PAN3: variants seen among roughly 807,000 people sequenced by gnomAD.
PAN3 encodes the protein PAN2-PAN3 deadenylation complex subunit PAN3.
Under a neutral mutation model 96.2 loss-of-function variants are expected in PAN3, and 19 were observed. The observed-to-expected ratio is 0.20, with a 90% confidence interval of 0.14 to 0.29. PAN3 has a LOEUF of 0.29. Among genes scored for constraint, PAN3 ranks in the 10% least tolerant of loss-of-function variants. The pLI, the probability that PAN3 is intolerant of heterozygous loss-of-function variation, is 1.00. For missense variants in PAN3, 882 were observed against 1,108.1 expected, an observed-to-expected ratio of 0.80 and a Z score of 2.90; for synonymous variants, 433 against 406.6, an observed-to-expected ratio of 1.06 and a Z score of -0.78.
chr13:28,245,588 C>G (rs987107920), intron 6 of PAN3, among the ~76,000 whole-genome samples: 7 of 152,074 alleles, frequency 4.6e-5, no homozygotes, highest in African/African-American at 1.4e-4. Flanking sequence ...TTTAATATAT[C>G]AAAAGATCAT....
chr13:28,229,605 T>A (rs1882327632), intron 6 of PAN3, among the ~76,000 whole-genome samples: 3 of 152,240 alleles, frequency 2.0e-5, no homozygotes, highest in African/African-American at 7.2e-5. Flanking sequence ...TATAACTTTT[T>A]GAAGGTAAGG....
intron 5 of PAN3, among the ~76,000 whole-genome samples, chr13:28,209,097 A>G (rs1017839440): frequency 1.3e-5 from 2 of 152,178 alleles, no homozygotes; most frequent in Non-Finnish European, 2.9e-5. Flanking sequence ...AATAGTTGCT[A>G]TACTGTATTG....
At chr13:28,204,745 A>G (rs1331873436) in intron 5 of PAN3, among the ~76,000 whole-genome samples, 2 of 152,246 alleles carry the variant, frequency 1.3e-5, no homozygotes, top group Non-Finnish European at 2.9e-5. Context: ...AATTTCTCAT[A>G]ATATTGCAGG....
chr13:28,215,833 A>C, intron 5 of PAN3: 1 of 1,393,246 alleles, frequency 7.2e-7, no homozygotes, highest in Non-Finnish European at 1.0e-6. Context: ...AAAGCAGTGG[A>C]CAAGAAGGCT....
rs1276576315 is a variant in PAN3, at chr13:28,280,451, T to C, written c.2229T>C (p.Asn743=). The C allele has an allele frequency of 6.2e-7, 1 of 1,613,138 alleles. No homozygotes were observed. The highest frequency in any genetic ancestry group is 1.7e-5 in the Admixed American group (1 of 59,966). The part of the protein sequence containing the change: ...LTDQNRMRSV[N]DIMPMIGARF... ...ACCAAAACAGGATGCGAAGTGTAAA[T>C]GACATCATGCCCATGATTGGTGCTC... Residue 743 remains asparagine (N), a synonymous_variant, in exon 16 of 19, where the codon AAT becomes AAC. Coordinates refer to ENST00000380958, the MANE Select transcript of PAN3 (RefSeq NM_175854.8).
intron 6 of PAN3, among the ~76,000 whole-genome samples, chr13:28,246,605 A>C (rs534857480): frequency 5.3e-5 from 8 of 152,166 alleles, no homozygotes; most frequent in Admixed American, 4.6e-4. Flanking sequence ...ACTTCTGGTA[A>C]CCACCAGTCT....
rs143752644 is a variant in PAN3 at position 28,235,682 on chromosome 13, T to TAC, written c.1000+15316_1000+15317dup. Among the ~76,000 whole-genome samples the TAC allele has an allele frequency of 5.7e-3, 708 of 123,480 alleles. 4 individuals are homozygous for TAC. Among genetic ancestry groups the TAC allele is most frequent in the Admixed American group, 0.011 (122 of 11,302 alleles). The allele number at this position is 123,480 out of a possible 152,430, so 81.0% of individuals were successfully genotyped here. On this transcript the variant is annotated intron_variant, in intron 6 of 18. Coordinates refer to ENST00000380958, the MANE Select transcript of PAN3 (RefSeq NM_175854.8). ...TTAGTATTTTTGTCTTTCTCTAATA[T>TAC]ACACACACACACATACACACACACA...
At chr13:28,203,638 A>G (rs950383779) in intron 5 of PAN3, among the ~76,000 whole-genome samples, 1 of 151,974 alleles carries the variant, frequency 6.6e-6, no homozygotes, top group African/African-American at 2.4e-5. Flanking sequence ...AAAATTAATC[A>G]TAGACTTTTT....
In PAN3 at chr13:28,177,872, A is replaced by G. The variant is rs756250351; in HGVS notation, c.627A>G (p.Leu209=). The G allele has an allele frequency of 3.1e-6, 5 of 1,612,696 alleles. No individual in the cohort carries two copies. Among genetic ancestry groups the G allele is most frequent in the East Asian group, 4.5e-5 (2 of 44,806 alleles). The change falls in exon 4 of 19, where the codon CTA becomes CTG. Residue 209 remains leucine, a synonymous_variant. Transcript: ENST00000380958. Reference sequence around the variant, plus strand: ...ACGTAACTTACCTTTCAGATCCTCTAACATCACCTGCTTCATCCTTGTTTA... The same window carrying G: ...ACGTAACTTACCTTTCAGATCCTCTGACATCACCTGCTTCATCCTTGTTTA... The part of the protein sequence containing the change: ...SAKPYSAHDP[L]TSPASSLFND...
rs74573209 is a variant in PAN3 at position 28,266,084 on chromosome 13, G to A, written c.1412-631G>A. Among the ~76,000 whole-genome samples the A allele has an allele frequency of 1.5e-3, 234 of 151,960 alleles. 5 individuals are homozygous for A. The East Asian group carries it at 0.034, about 22-fold the overall frequency. ...GACATAATGCCATGTTTTAAAAATA[G>A]TGTTAAACATGTATATTATAAAACA... On this transcript the variant is annotated intron_variant, in intron 9 of 18. Transcript: ENST00000380958.
rs748036923 is a variant in PAN3, at chr13:28,260,584, A to C, written c.1353+33A>C. On this transcript the variant is annotated intron_variant, in intron 8 of 18. Transcript: ENST00000380958. ...TTCAGAATTCATAGTAGGAATACTT[A>C]ATGTCTCCTGTGCTTTAGTGAACAG... is the stretch of plus-strand genomic sequence containing the variant. 7 of 1,509,064 alleles carry C rather than the reference A, an allele frequency of 4.6e-6. No individual in the cohort carries two copies. The Admixed American group carries it at 1.2e-4, about 25-fold the overall frequency. The allele number at this position is 1,509,064 out of a possible 1,614,324, so 93.5% of individuals were successfully genotyped here.
chr13:28,273,158 A>T (rs1318499174), intron 14 of PAN3, among the ~76,000 whole-genome samples: 3 of 152,172 alleles, frequency 2.0e-5, no homozygotes, highest in African/African-American at 7.2e-5. Context: ...CTCACTTCTT[A>T]TACTTTATTA....
intron 6 of PAN3, among the ~76,000 whole-genome samples, chr13:28,228,559 T>C (rs1882230576): frequency 1.3e-5 from 2 of 152,218 alleles, no homozygotes; most frequent in South Asian, 2.1e-4. Flanking sequence ...ATAAGCACTT[T>C]TCTATATTTT....
At chr13:28,260,937 A>T (rs1885666677) in intron 8 of PAN3, among the ~76,000 whole-genome samples, 1 of 152,342 alleles carries the variant, frequency 6.6e-6, no homozygotes, top group South Asian at 2.1e-4. Flanking sequence ...ATATTTTTTT[A>T]AAAGAATGTT....
At chr13:28,253,316 T>C (rs572585707) in intron 6 of PAN3, among the ~76,000 whole-genome samples, 8 of 152,266 alleles carry the variant, frequency 5.3e-5, no homozygotes, top group African/African-American at 1.9e-4. Context: ...TAGTACTGTA[T>C]GTAGGCACTT....
intron 6 of PAN3, among the ~76,000 whole-genome samples, chr13:28,250,382 T>C (rs1884610224): frequency 6.6e-6 from 1 of 152,068 alleles, no homozygotes; most frequent in Non-Finnish European, 1.5e-5. Context: ...TTAATTTTTT[T>C]TTGAGACGGA....
chr13:28,178,252 A>T (rs1875307814), intron 4 of PAN3, among the ~76,000 whole-genome samples: 1 of 152,152 alleles, frequency 6.6e-6, no homozygotes, highest in Admixed American at 6.5e-5. Flanking sequence ...ACCCATTGTA[A>T]GCATGTTAAT....
At chr13:28,141,719 G>A (rs1309856680) in intron 1 of PAN3, among the ~76,000 whole-genome samples, 1 of 151,976 alleles carries the variant, frequency 6.6e-6, no homozygotes, top group East Asian at 1.9e-4. Context: ...CGCCTGCCTC[G>A]GCCTCCTAGG....
chr13:28,212,820 G>T (rs1880214014), intron 5 of PAN3, among the ~76,000 whole-genome samples: 2 of 152,164 alleles, frequency 1.3e-5, no homozygotes, highest in Non-Finnish European at 2.9e-5. Flanking sequence ...TGAGCCATGG[G>T]ATAACATCAG....
Sources: allele counts gnomAD v4.1 joint callset (sites outside exome capture counted in the v4.1 genomes callset), GRCh38; gene constraint gnomAD v4.1.1; transcripts MANE v1.5; gene names NCBI Gene and HGNC (gene_info 2026-07-23, HGNC 2026-07-21).